UNC13C: variants seen among roughly 807,000 people sequenced by gnomAD.
The protein encoded by UNC13C is unc-13 homolog C.
In UNC13C, 174 loss-of-function variants were observed where a neutral mutation model predicts 245.4. That is an observed-to-expected ratio of 0.71 (90% CI 0.63 to 0.80). The LOEUF (loss-of-function observed/expected upper bound fraction) is 0.80. Ranked by LOEUF, UNC13C falls within the 30% of genes least tolerant of loss-of-function variation. The pLI, the probability that UNC13C is intolerant of heterozygous loss-of-function variation, is 0.00. For missense variants in UNC13C, 2,829 were observed against 2,602.9 expected (o/e 1.09, Z -1.89); for synonymous variants, 992 against 895.1 (o/e 1.11, Z -1.93).
intron 19 of UNC13C, among the ~76,000 whole-genome samples, chr15:54,418,708 G>C (rs1242007254): frequency 6.6e-6 from 1 of 152,142 alleles, no homozygotes; most frequent in Non-Finnish European, 1.5e-5. Flanking sequence ...TGAGCTGGAA[G>C]TGGCTATGTG....
rs1896779837 is a variant in UNC13C, at chr15:54,552,388, TATA to T, written c.5877+2701_5877+2703del. On this transcript the variant is annotated intron_variant, in intron 28 of 32. Transcript: ENST00000260323. ...GTATATTATATATTACAGCATATAA[TATA>T]ATATATAATTATATAATTATATATT... Among the ~76,000 whole-genome samples, 3 of 97,734 alleles carry T rather than the reference TATA, an allele frequency of 3.1e-5. No homozygotes were observed. In the South Asian group the frequency reaches 8.2e-4, roughly 27 times the overall value. The allele number at this position is 97,734 out of a possible 152,430, so 64.1% of individuals were successfully genotyped here. A position where few individuals can be genotyped will look rare whatever the true frequency, so the allele number is the denominator to read the frequency against.
At chr15:54,050,202 C>T (rs1897217440) in intron 2 of UNC13C, 2 of 517,408 alleles carry the variant, frequency 3.9e-6, no homozygotes, top group South Asian at 2.9e-5. Flanking sequence ...GAACTCCTGA[C>T]CTCAGGTGAT....
At chr15:53,852,195 C>A in the UNC13C span, among the ~76,000 whole-genome samples, 1 of 152,262 alleles carries the variant, frequency 6.6e-6, no homozygotes, top group African/African-American at 2.4e-5. Context: ...AGAGGAAACC[C>A]AGTTGGGGTC....
chr15:54,520,883 A>G (rs1246408974), intron 24 of UNC13C, among the ~76,000 whole-genome samples: 3 of 152,208 alleles, frequency 2.0e-5, no homozygotes, highest in Non-Finnish European at 4.4e-5. Flanking sequence ...TGTTGTAAGC[A>G]GTCTGAAGAT....
chr15:54,049,089 T>A, intron 2 of UNC13C: 1 of 375,554 alleles, frequency 2.7e-6, no homozygotes, highest in Non-Finnish European at 5.3e-6. Context: ...TTTTCTATCA[T>A]TGGTAAGTCC....
intron 26 of UNC13C, among the ~76,000 whole-genome samples, chr15:54,540,385 C>T (rs1464299781): frequency 1.3e-5 from 2 of 151,978 alleles, no homozygotes; most frequent in Non-Finnish European, 2.9e-5. Flanking sequence ...CCAACCAATA[C>T]ACATGGCATT....
intron 13 of UNC13C, among the ~76,000 whole-genome samples, chr15:54,301,464 G>C (rs1288269352): frequency 6.6e-6 from 1 of 151,932 alleles, no homozygotes; most frequent in African/African-American, 2.4e-5. Context: ...ACAGGCCCCG[G>C]TGTGTGATGT....
In UNC13C at chr15:54,324,651, TA is replaced by T. The variant is rs36107767; in HGVS notation, c.4425+2565del. On this transcript the variant is annotated intron_variant, in intron 14 of 32. Coordinates refer to ENST00000260323, the MANE Select transcript of UNC13C (RefSeq NM_001080534.3). ...GGGCAACAGAATGAGACCCTGTCTCTAAAAAAAAAGTGATAACTGTAAAAGG... is the reference window on the plus strand; with the variant it reads ...GGGCAACAGAATGAGACCCTGTCTCTAAAAAAAAGTGATAACTGTAAAAGG... Among the ~76,000 whole-genome samples the T allele has an allele frequency of 1.9e-4, 28 of 149,746 alleles. 1 individual carries two copies. The East Asian group carries it at 2.7e-3, about 15-fold the overall frequency.
At chr15:53,847,522 A>ATT in the UNC13C span, among the ~76,000 whole-genome samples, 242 of 139,218 alleles carry the variant, frequency 1.7e-3, 5 homozygotes, top group East Asian at 4.5e-3. Context: ...ATGCCTGGCT[A>ATT]TTTTTTTTTT....
intron 30 of UNC13C, among the ~76,000 whole-genome samples, chr15:54,621,716 A>G (rs1900806541): frequency 6.6e-6 from 1 of 152,206 alleles, no homozygotes; most frequent in African/African-American, 2.4e-5. Context: ...ATCAGTGGTG[A>G]CATACTGTGA....
At chr15:54,105,514 A>G (rs1024661254) in intron 2 of UNC13C, among the ~76,000 whole-genome samples, 1 of 152,208 alleles carries the variant, frequency 6.6e-6, no homozygotes, top group Non-Finnish European at 1.5e-5. Context: ...TAAAGTCACA[A>G]CAGGCAGAAG....
chr15:53,891,234 G>T, the UNC13C span, among the ~76,000 whole-genome samples: 2 of 152,146 alleles, frequency 1.3e-5, no homozygotes, highest in African/African-American at 4.8e-5. Flanking sequence ...GAGACTGTTT[G>T]TTATGATTTC....
intron 30 of UNC13C, among the ~76,000 whole-genome samples, chr15:54,607,715 A>G (rs1899845313): frequency 6.6e-6 from 1 of 152,116 alleles, no homozygotes; most frequent in Non-Finnish European, 1.5e-5. Flanking sequence ...GGGAAGCAAG[A>G]GCATCTTTCC....
the UNC13C span, among the ~76,000 whole-genome samples, chr15:53,873,621 A>G: frequency 3.0e-4 from 45 of 151,986 alleles, no homozygotes; most frequent in African/African-American, 1.1e-3. Context: ...GGGAGAAGAT[A>G]TCAGTTACCC....
intron 2 of UNC13C, among the ~76,000 whole-genome samples, chr15:54,102,094 A>C (rs1900194490): frequency 6.6e-6 from 1 of 150,616 alleles, no homozygotes. Flanking sequence ...GACCATAGTC[A>C]TATTATAAGT....
the UNC13C span, among the ~76,000 whole-genome samples, chr15:53,845,184 G>T: frequency 1.7e-4 from 26 of 151,964 alleles, no homozygotes; most frequent in South Asian, 5.4e-3. Flanking sequence ...ATTAGCCCGG[G>T]TGTGGTGGCA....
intron 10 of UNC13C, among the ~76,000 whole-genome samples, chr15:54,269,215 T>A (rs1305435626): frequency 6.6e-6 from 1 of 152,066 alleles, no homozygotes; most frequent in Non-Finnish European, 1.5e-5. Context: ...TTTCTTTGTT[T>A]TTCTCTCTCT....
intron 30 of UNC13C, among the ~76,000 whole-genome samples, chr15:54,606,949 A>T (rs1366380921): frequency 6.6e-6 from 1 of 152,218 alleles, no homozygotes; most frequent in Non-Finnish European, 1.5e-5. Context: ...ATCAAAATAG[A>T]AAATACTAAG....
At chr15:54,184,244 T>A (rs930864129) in intron 4 of UNC13C, among the ~76,000 whole-genome samples, 1 of 151,892 alleles carries the variant, frequency 6.6e-6, no homozygotes, top group Non-Finnish European at 1.5e-5. Flanking sequence ...ATTTGCTTTG[T>A]AGTTTATTTT....
Sources: allele counts gnomAD v4.1 joint callset (sites outside exome capture counted in the v4.1 genomes callset), GRCh38; gene constraint gnomAD v4.1.1; transcripts MANE v1.5; gene names NCBI Gene and HGNC (gene_info 2026-07-23, HGNC 2026-07-21).